DGKZ: variants seen among roughly 807,000 people sequenced by gnomAD.
The protein encoded by DGKZ is diacylglycerol kinase zeta, also known as DAG kinase zeta.
DGKZ carries 45 observed loss-of-function variants against 142.5 expected under a neutral mutation model. The observed-to-expected ratio is 0.32, with a 90% CI of 0.25 to 0.40. The LOEUF (loss-of-function observed/expected upper bound fraction) is 0.40. Ranked by LOEUF, DGKZ falls within the 10% of genes least tolerant of loss-of-function variation. The pLI, the probability that DGKZ is intolerant of heterozygous loss-of-function variation, is 1.00. For missense variants in DGKZ, 755 were observed against 1,306.5 expected, an observed-to-expected ratio of 0.58 and a Z score of 6.51; for synonymous variants, 442 against 527.0, an observed-to-expected ratio of 0.84 and a Z score of 2.21.
chr11:46,375,927 G>A (rs368562103), exon 21 of DGKZ: 8 of 1,604,940 alleles, frequency 5.0e-6, no homozygotes, highest in East Asian at 4.5e-5. Context: ...CCTGCACTAC[G>A]ACAAGGAGCA....
upstream of DGKZ, among the ~76,000 whole-genome samples, chr11:46,346,405 G>A (rs1940620368): frequency 6.6e-6 from 1 of 152,168 alleles, no homozygotes; most frequent in South Asian, 2.1e-4. Context: ...AGCCCTGCGG[G>A]GGCCATCAGA....
Position 46,367,295 on chromosome 11 carries a change from G to T in DGKZ, c.166G>T (p.Ala56Ser), listed in dbSNP as rs1436524843. 6.2e-7 allele frequency: 1 copy of T among 1,611,660 alleles called. No individual in the cohort carries two copies. Among genetic ancestry groups the T allele is most frequent in the Non-Finnish European group, 8.5e-7 (1 of 1,179,782 alleles). Residue 56 changes from alanine to serine, a missense_variant, in exon 2 of 31, where the codon GCC (alanine) becomes TCC (serine). Ala to Ser is a moderately conservative substitution (Grantham distance 99). Around this residue, in one of 8 missense-constraint regions of DGKZ, gnomAD observed 81 missense variants for 86.5 expected, o/e 0.94. Transcript: ENST00000527911. The surrounding 1 kb of genome is among the most constrained non-coding windows in gnomAD (Gnocchi z 4.1). Reference sequence around the variant, plus strand: ...CAGCTGTCTTCTCCTCTCTAGGAAAGCCATCACCAAGTCGGGCCTCCAGCA... The same window carrying T: ...CAGCTGTCTTCTCCTCTCTAGGAAATCCATCACCAAGTCGGGCCTCCAGCA...
intron 1 of DGKZ, among the ~76,000 whole-genome samples, chr11:46,333,741 A>G (rs1251828893): frequency 1.3e-4 from 20 of 152,114 alleles, no homozygotes; most frequent in Non-Finnish European, 1.5e-5. Flanking sequence ...GGCGCTAAGG[A>G]GAGGAAAGAG....
chr11:46,361,835 C>CAGGG, intron 1 of DGKZ: 1 of 252,334 alleles, frequency 4.0e-6, no homozygotes, highest in Non-Finnish European at 6.3e-6. Context: ...GCCTGCCCTG[C>CAGGG]CAGGTTCCTG....
chr11:46,353,394 C>T (rs947816491), intron 1 of DGKZ, among the ~76,000 whole-genome samples: 2 of 152,256 alleles, frequency 1.3e-5, no homozygotes, highest in East Asian at 1.9e-4. Flanking sequence ...TCTTTGCCTC[C>T]GGTGCCAACG....
Position 46,347,592 on chromosome 11 carries a change from T to C in DGKZ, c.-68T>C. ...GGCGGGCGGCGCGGAGCGGGCGTGC[T>C]GAGCCCCGGCCGCCGGCCCGGCATG... On this transcript the variant is annotated 5_prime_UTR_variant, in exon 1 of 31. The change abolishes the stop of an existing upstream ORF in the 5' untranslated region. Transcript: ENST00000527911. The surrounding 1 kb of genome is among the most constrained non-coding windows in gnomAD (Gnocchi z 6.4). 5 of 1,154,862 alleles carry C rather than the reference T, an allele frequency of 4.3e-6. No individual in the cohort carries two copies. Among genetic ancestry groups the C allele is most frequent in the Non-Finnish European group, 5.3e-6 (5 of 938,924 alleles). 71.5% of individuals were successfully genotyped at this position (1,154,862 alleles called of 1,614,324 possible).
chr11:46,357,887 G>A (rs1317834925), intron 1 of DGKZ, among the ~76,000 whole-genome samples: 1 of 152,234 alleles, frequency 6.6e-6, no homozygotes, highest in Non-Finnish European at 1.5e-5. Context: ...CGGCACAGCA[G>A]TAAGTCAGGC....
intron 16 of DGKZ, 58 bp from the exon 17 acceptor site, chr11:46,374,546 G>A (rs900731614): frequency 1.6e-5 from 26 of 1,608,464 alleles, no homozygotes; most frequent in South Asian, 7.7e-5. Context: ...GAGCCCTGCC[G>A]GGTGCTGGTG....
Position 46,372,424 on chromosome 11 carries a change from C to A in DGKZ, c.928-4C>A, listed in dbSNP as rs375041222. The stretch of plus-strand genomic sequence containing the variant: ...ACTGTCTCTTGGCTCCCCATCCCAT[C>A]CAGGGTGCAAAGATCATCCAGTCTT... On this transcript the variant is annotated splice_polypyrimidine_tract_variant and splice_region_variant and intron_variant, in intron 10 of 30. Coordinates refer to ENST00000527911, the Ensembl canonical transcript of DGKZ. The surrounding 1 kb of genome is among the most constrained non-coding windows in gnomAD (Gnocchi z 5.9). The A allele has an allele frequency of 1.2e-6, 2 of 1,613,888 alleles. No homozygotes were observed. The highest frequency in any genetic ancestry group is 2.7e-5 in the African/African-American group (2 of 74,916).
intron 1 of DGKZ, among the ~76,000 whole-genome samples, chr11:46,342,393 T>G (rs1940323316): frequency 6.6e-6 from 1 of 152,146 alleles, no homozygotes; most frequent in Non-Finnish European, 1.5e-5. Context: ...CTGCTTCCCC[T>G]CCAGGAGCCC....
At chr11:46,379,384 TC>T (rs1944951873) in intron 29 of DGKZ, 84 bp from the exon 30 acceptor site, 2 of 1,570,678 alleles carry the variant, frequency 1.3e-6, no homozygotes, top group African/African-American at 1.4e-5. Flanking sequence ...GCCCTGAACT[TC>T]CTGCCCTTTC....
chr11:46,363,473 A>C (rs781216589), intron 1 of DGKZ, among the ~76,000 whole-genome samples: 1 of 152,202 alleles, frequency 6.6e-6, no homozygotes, highest in Non-Finnish European at 1.5e-5. Flanking sequence ...GGGCGGCATC[A>C]TCGGCCGCCG....
chr11:46,377,419 C>A (rs1022554041), intron 25 of DGKZ: 13 of 955,962 alleles, frequency 1.4e-5, no homozygotes, highest in African/African-American at 1.7e-5. Context: ...CCTGACTTCT[C>A]CCTCCTCTGG....
intron 1 of DGKZ, chr11:46,366,304 T>C (rs1010826254): frequency 4.4e-6 from 7 of 1,582,622 alleles, no homozygotes; most frequent in Non-Finnish European, 6.0e-6. Context: ...TGCCAGGCCC[T>C]GGAGAGGGGC....
At chr11:46,366,656 A>G (rs1333432338) in intron 1 of DGKZ, 4 of 1,596,178 alleles carry the variant, frequency 2.5e-6, no homozygotes, top group Admixed American at 3.5e-5. Flanking sequence ...ATCGAGCGCC[A>G]TCCAGCCAGG....
At chr11:46,333,052 C>T in exon 1 of DGKZ, 1 of 365,198 alleles carries the variant, frequency 2.7e-6, no homozygotes. Flanking sequence ...GCCAGGAGCC[C>T]CCGCCCCCCC....
At chr11:46,379,263 T>C (rs1221443329) in intron 29 of DGKZ, 27 bp downstream of exon 29, 2 of 1,612,836 alleles carry the variant, frequency 1.2e-6, no homozygotes, top group African/African-American at 1.3e-5. Flanking sequence ...TGCAGAACCG[T>C]GGTCACCCCG....
At chr11:46,371,223 C>G in intron 6 of DGKZ, 90 bp from the exon 7 acceptor site, 1 of 1,315,508 alleles carries the variant, frequency 7.6e-7, no homozygotes, top group Non-Finnish European at 1.1e-6. Context: ...GAGGCCCTGT[C>G]TCTGGGTGGA....
chr11:46,365,485 C>T (rs760745849), intron 1 of DGKZ: 5 of 985,278 alleles, frequency 5.1e-6, no homozygotes, highest in Admixed American at 6.1e-5. Context: ...CCTATTGTCA[C>T]GGCCCCCTGG....
Sources: allele counts gnomAD v4.1 joint callset (sites outside exome capture counted in the v4.1 genomes callset), GRCh38; gene constraint gnomAD v4.1.1; regional missense constraint gnomAD v4.1.1; non-coding constraint Gnocchi (gnomAD v3.1); transcripts MANE v1.5; gene names NCBI Gene and HGNC (gene_info 2026-07-23, HGNC 2026-07-21).